CSRNP3: variants seen among roughly 807,000 people sequenced by gnomAD.
CSRNP3 encodes the protein cysteine and serine rich nuclear protein 3.
Under a neutral mutation model 48.0 loss-of-function variants are expected in CSRNP3, and 12 were observed. The ratio of observed to expected loss-of-function variants is 0.25; its 90% CI spans 0.16 to 0.41. CSRNP3 has a LOEUF of 0.41. Among genes scored for constraint, CSRNP3 ranks in the 10% least tolerant of loss-of-function variants. The pLI is 1.00. For synonymous variants in CSRNP3, 263 were observed against 269.7 expected (o/e 0.98, Z 0.24); for missense variants, 580 against 724.4 (o/e 0.80, Z 2.29).
At chr2:165,526,829 G>A (rs1684737938) in intron 3 of CSRNP3, among the ~76,000 whole-genome samples, 2 of 152,162 alleles carry the variant, frequency 1.3e-5, no homozygotes, top group African/African-American at 4.8e-5. Context: ...GATGGGCCAG[G>A]AATTTGGTTC....
At chr2:165,510,940 A>G (rs1000044897) in intron 2 of CSRNP3, among the ~76,000 whole-genome samples, 1 of 152,180 alleles carries the variant, frequency 6.6e-6, no homozygotes, top group Non-Finnish European at 1.5e-5. Context: ...TGAATCTGCT[A>G]AAGGATGTAG....
In CSRNP3 at chr2:165,687,855, A is replaced by G. The variant is rs1687655895; in HGVS notation, c.*8102A>G. 6.6e-6 allele frequency: 1 copy of G among 151,880 alleles called. No homozygotes were observed. Among genetic ancestry groups the G allele is most frequent in the Admixed American group, 6.6e-5 (1 of 15,220 alleles). The allele number at this position is 151,880 out of a possible 1,614,324, so 9.4% of individuals were successfully genotyped here. ...TTTATCTGCTCAGAGTTGACACCCA[A>G]CTCAGAGTCAGAACTCACCAGAAGA... is the stretch of plus-strand genomic sequence containing the variant. On this transcript the variant is annotated 3_prime_UTR_variant, in exon 7 of 7. Coordinates refer to ENST00000651982, the MANE Select transcript of CSRNP3 (RefSeq NM_001172173.2).
At chr2:165,608,550 C>A (rs1417584516) in intron 4 of CSRNP3, among the ~76,000 whole-genome samples, 1 of 152,098 alleles carries the variant, frequency 6.6e-6, no homozygotes, top group Non-Finnish European at 1.5e-5. Context: ...TATTTATAAA[C>A]CTTAATATCT....
Position 165,681,429 on chromosome 2 carries a change from T to G in CSRNP3, c.*1676T>G, listed in dbSNP as rs776458585. 3 of 149,668 alleles carry G rather than the reference T, an allele frequency of 2.0e-5. No homozygotes were observed. Among genetic ancestry groups the G allele is most frequent in the Non-Finnish European group, 4.5e-5 (3 of 67,180 alleles). 9.3% of individuals were successfully genotyped at this position (149,668 alleles called of 1,614,324 possible). A position where few individuals can be genotyped will look rare whatever the true frequency, so the allele number is the denominator to read the frequency against. On this transcript the variant is annotated 3_prime_UTR_variant, in exon 7 of 7. Transcript: ENST00000651982. ...GATCTCAATTTCTAAAAAAAATATT[T>G]TATTTAATTGAACTTAAAAATGCTT... is the stretch of plus-strand genomic sequence containing the variant.
chr2:165,613,523 G>A (rs959267885), intron 4 of CSRNP3, among the ~76,000 whole-genome samples: 4 of 152,010 alleles, frequency 2.6e-5, no homozygotes, highest in East Asian at 1.9e-4. Flanking sequence ...AGAGTTTTAT[G>A]GTTTTGAGCC....
intron 3 of CSRNP3, among the ~76,000 whole-genome samples, chr2:165,528,153 C>T (rs1032690836): frequency 2.6e-5 from 4 of 152,018 alleles, no homozygotes; most frequent in African/African-American, 9.7e-5. Flanking sequence ...GAGTCCTTTG[C>T]CTATCTTTTA....
intron 5 of CSRNP3, among the ~76,000 whole-genome samples, chr2:165,671,303 G>A (rs1446427893): frequency 2.0e-5 from 3 of 152,154 alleles, no homozygotes; most frequent in Non-Finnish European, 4.4e-5. Context: ...GGAAAAAAAT[G>A]GACAAAATGA....
In CSRNP3 at chr2:165,681,760, T is replaced by TATATATATATAC. The variant is rs1291170889; in HGVS notation, c.*2008_*2009insTATATATATACA. 46 of 44,708 alleles carry TATATATATATAC rather than the reference T, an allele frequency of 1.0e-3. No homozygotes were observed. The highest frequency in any genetic ancestry group is 2.4e-3 in the African/African-American group (40 of 16,418). 2.8% of individuals were successfully genotyped at this position (44,708 alleles called of 1,614,324 possible). ...ATATATATATATATATATATATATATACACACACACACACACATACACATA... is the reference window on the plus strand; with the variant it reads ...ATATATATATATATATATATATATATATATATATATACACACACACACACACACATACACATA... On this transcript the variant is annotated 3_prime_UTR_variant, in exon 7 of 7. Coordinates refer to ENST00000651982, the MANE Select transcript of CSRNP3 (RefSeq NM_001172173.2).
chr2:165,613,986 A>G (rs1460711264), intron 4 of CSRNP3, among the ~76,000 whole-genome samples: 2 of 151,594 alleles, frequency 1.3e-5, no homozygotes, highest in Non-Finnish European at 2.9e-5. Flanking sequence ...AATTGCTTTG[A>G]GTAGTATGGT....
At chr2:165,601,865 T>C (rs1226961584) in intron 4 of CSRNP3, among the ~76,000 whole-genome samples, 1 of 152,232 alleles carries the variant, frequency 6.6e-6, no homozygotes, top group Non-Finnish European at 1.5e-5. Context: ...GAAGTATGAC[T>C]GGAACATGCC....
At chr2:165,591,553 G>T (rs1242180304) in intron 3 of CSRNP3, among the ~76,000 whole-genome samples, 1 of 152,156 alleles carries the variant, frequency 6.6e-6, no homozygotes, top group Non-Finnish European at 1.5e-5. Flanking sequence ...AGGAAAAAAT[G>T]GTTTCCTGCG....
intron 4 of CSRNP3, among the ~76,000 whole-genome samples, chr2:165,628,018 A>T (rs1686467593): frequency 6.6e-6 from 1 of 152,348 alleles, no homozygotes; most frequent in Middle Eastern, 3.4e-3. Flanking sequence ...CAAGCAAAAA[A>T]TTCCCATGAA....
At chr2:165,520,771 TA>T (rs777517937) in intron 3 of CSRNP3, among the ~76,000 whole-genome samples, 25,461 of 59,008 alleles carry the variant, frequency 0.43, 3,134 homozygotes, top group African/African-American at 0.49. Flanking sequence ...AGAAATATAT[TA>T]TATATATATA....
intron 3 of CSRNP3, among the ~76,000 whole-genome samples, chr2:165,594,649 G>A (rs758736421): frequency 7.2e-5 from 11 of 152,146 alleles, no homozygotes; most frequent in Non-Finnish European, 1.5e-4. Context: ...TACAAAGGTC[G>A]TGCATACTTT....
intron 3 of CSRNP3, among the ~76,000 whole-genome samples, chr2:165,559,720 G>A (rs944458702): frequency 2.0e-5 from 3 of 150,560 alleles, no homozygotes; most frequent in Non-Finnish European, 3.0e-5. Flanking sequence ...TAAATGTATT[G>A]TGCACTTTAA....
In CSRNP3 at chr2:165,594,067, G is replaced by A. The variant is rs56661257; in HGVS notation, c.-23-976G>A. ...ATGAATTTTGTCTTTAGACTTGGGT[G>A]CCATCCCCAAGGTACCTCATTATGT... On this transcript the variant is annotated intron_variant, in intron 3 of 6. Transcript: ENST00000651982. Among the ~76,000 whole-genome samples the A allele has an allele frequency of 2.3e-3, 349 of 152,196 alleles. 1 individual carries two copies. Among genetic ancestry groups the A allele is most frequent in the African/African-American group, 8.0e-3 (333 of 41,518 alleles).
intron 4 of CSRNP3, among the ~76,000 whole-genome samples, chr2:165,644,821 G>A (rs937690045): frequency 1.3e-5 from 2 of 152,084 alleles, no homozygotes. Context: ...ATTAGATATT[G>A]ACTTAGTCCA....
intron 4 of CSRNP3, among the ~76,000 whole-genome samples, chr2:165,598,740 T>C (rs562177475): frequency 6.6e-6 from 1 of 152,334 alleles, no homozygotes; most frequent in South Asian, 2.1e-4. Flanking sequence ...TTTACTAACA[T>C]GCTGTTTTAG....
intron 3 of CSRNP3, among the ~76,000 whole-genome samples, chr2:165,558,601 GACAC>G (rs1005020235): frequency 6.6e-6 from 1 of 151,892 alleles, no homozygotes; most frequent in Admixed American, 6.6e-5. Context: ...GAGTTTGTAA[GACAC>G]ACACACACAT....
Sources: gnomAD v4.1 joint callset for allele counts (sites outside exome capture counted in the v4.1 genomes callset) on GRCh38, gnomAD v4.1.1 for gene constraint, MANE v1.5 for transcripts, NCBI Gene and HGNC (gene_info 2026-07-23, HGNC 2026-07-21) for gene names.